Variants in TRABD2A observed in about 807,000 individuals in gnomAD.
TRABD2A encodes the protein TraB domain containing 2A, also known as metalloprotease TIKI1.
TRABD2A carries 43 observed loss-of-function variants against 45.6 expected under a neutral mutation model. The ratio of observed to expected loss-of-function variants is 0.94; its 90% CI spans 0.74 to 1.22. TRABD2A has a LOEUF of 1.22. TRABD2A is among the 50% of genes most tolerant of loss of function. The pLI, the probability that TRABD2A is intolerant of heterozygous loss-of-function variation, is 0.00. For synonymous variants in TRABD2A, 269 were observed against 265.0 expected (o/e 1.02, Z -0.15); for missense variants, 642 against 652.4 (o/e 0.98, Z 0.17).
chr2:84,878,886 G>T (rs963153031), intron 1 of TRABD2A, among the ~76,000 whole-genome samples: 20 of 152,230 alleles, frequency 1.3e-4, no homozygotes, highest in African/African-American at 4.6e-4. Context: ...CAATTCCGCA[G>T]GGGGTAAGAC....
rs1245439244 is a variant in TRABD2A, at chr2:84,830,964, G to C, written c.1082+1091C>G. ...TACAGCTGAGACCTCTGCCAGGAGA[G>C]GGGGCTGCTGACCACAGATCGGGAG... On this transcript the variant is annotated intron_variant, in intron 5 of 6. Coordinates refer to ENST00000409520, the MANE Select transcript of TRABD2A (RefSeq NM_001277053.2). This position sits in a 1 kb window ranked among gnomAD's most constrained non-coding sequence, Gnocchi z 4.9. 2.0e-5 allele frequency among the ~76,000 whole-genome samples: 3 copies of C among 152,184 alleles called. No homozygotes were observed. Among genetic ancestry groups the C allele is most frequent in the African/African-American group, 7.2e-5 (3 of 41,440 alleles).
rs150041805 is a variant in TRABD2A, at chr2:84,857,685, AATAT to A, written c.669+12536_669+12539del. Among the ~76,000 whole-genome samples, 725 of 152,278 alleles carry A rather than the reference AATAT, an allele frequency of 4.8e-3. 2 individuals are homozygous for A. The highest frequency in any genetic ancestry group is 0.017 in the African/African-American group (702 of 41,558). ...ACACATGAAGCAACTCAATAAGTCA[AATAT>A]CTCACTCCCCAGCTGTCTTAGTTCC... On this transcript the variant is annotated intron_variant, in intron 2 of 6. Coordinates refer to ENST00000409520, the MANE Select transcript of TRABD2A (RefSeq NM_001277053.2).
At chr2:84,832,217 C>G in intron 4 of TRABD2A, 72 bp from the exon 5 acceptor site, 3 of 1,511,070 alleles carry the variant, frequency 2.0e-6, no homozygotes, top group Non-Finnish European at 2.8e-6. Context: ...AACACACACC[C>G]TAGAACCAAG....
At chr2:84,851,684 A>G (rs1448620544) in intron 2 of TRABD2A, among the ~76,000 whole-genome samples, 3 of 152,260 alleles carry the variant, frequency 2.0e-5, no homozygotes, top group African/African-American at 7.2e-5. Flanking sequence ...GTAGCTGTCA[A>G]AATGGAAAAT....
chr2:84,853,753 G>GT (rs1471244700), intron 2 of TRABD2A, among the ~76,000 whole-genome samples: 2 of 152,230 alleles, frequency 1.3e-5, no homozygotes, highest in Non-Finnish European at 2.9e-5. Context: ...GCCTTGATGG[G>GT]TGCAGTGGCT....
At chr2:84,861,444 A>G (rs1452785121) in intron 2 of TRABD2A, among the ~76,000 whole-genome samples, 14 of 152,142 alleles carry the variant, frequency 9.2e-5, no homozygotes, top group Admixed American at 9.2e-4. Context: ...TCGCATGCAC[A>G]GTTCACAATA....
intron 1 of TRABD2A, among the ~76,000 whole-genome samples, chr2:84,879,994 A>AC (rs1683149448): frequency 1.5e-4 from 9 of 59,816 alleles, no homozygotes; most frequent in South Asian, 1.2e-3. Context: ...ACCCACCCCC[A>AC]ACCCCCCCCA....
At chr2:84,824,830 G>T (rs1573913849) in intron 5 of TRABD2A, among the ~76,000 whole-genome samples, 1 of 152,242 alleles carries the variant, frequency 6.6e-6, no homozygotes, top group Middle Eastern at 3.4e-3. Flanking sequence ...TTCAGGAAGA[G>T]GCTCTCAGGG....
At chr2:84,846,345 TCATGTGTG>T (rs1164829973) in intron 2 of TRABD2A, among the ~76,000 whole-genome samples, 1 of 152,216 alleles carries the variant, frequency 6.6e-6, no homozygotes, top group Non-Finnish European at 1.5e-5. Context: ...AGCATGGCTT[TCATGTGTG>T]CTTATTTATA....
Position 84,839,304 on chromosome 2 carries a change from G to C in TRABD2A, c.836C>G (p.Ala279Gly). 6.2e-7 allele frequency: 1 copy of C among 1,608,398 alleles called. No individual in the cohort carries two copies. The highest frequency in any genetic ancestry group is 8.5e-7 in the Non-Finnish European group (1 of 1,177,758). The change falls in exon 4 of 7, where the codon GCC becomes GGC. Residue 279 changes from alanine to glycine, a missense_variant. Transcript: ENST00000409520. Reference protein sequence around the residue: ...DSSQVPNFINATLPPQERITA... With the variant: ...DSSQVPNFINGTLPPQERITA... ...GATGCGCTCCTGAGGTGGTAGCGTG[G>C]CATTAATAAAATTGGGAACCTCCAC...
At chr2:84,848,288 CAT>C (rs989736760) in intron 2 of TRABD2A, among the ~76,000 whole-genome samples, 16 of 151,616 alleles carry the variant, frequency 1.1e-4, no homozygotes, top group African/African-American at 3.9e-4. Context: ...GCTGTCAACA[CAT>C]TGTATCTCTT....
At chr2:84,845,223 T>C (rs1573930870) in intron 2 of TRABD2A, among the ~76,000 whole-genome samples, 2 of 152,142 alleles carry the variant, frequency 1.3e-5, no homozygotes, top group African/African-American at 2.4e-5. Flanking sequence ...TGGTGGCAGG[T>C]GCCTGTAATC....
chr2:84,842,045 A>T, intron 2 of TRABD2A, 38 bp from the exon 3 acceptor site: 4 of 1,444,466 alleles, frequency 2.8e-6, no homozygotes, highest in Non-Finnish European at 3.6e-6. Flanking sequence ...CTAACAAGGC[A>T]ACTGTTTGCT....
intron 1 of TRABD2A, among the ~76,000 whole-genome samples, chr2:84,875,990 C>T (rs1318010890): frequency 4.1e-5 from 6 of 146,146 alleles, no homozygotes; most frequent in Admixed American, 1.4e-4. Context: ...GAGACCCTAT[C>T]TCAAAATTAA....
Position 84,821,990 on chromosome 2 carries a change from G to A in TRABD2A, c.1445C>T (p.Ala482Val), listed in dbSNP as rs374350995. ...CACAGGAGTCCAGAGAGACAGGCAGGCACTGCTGGCCACCATCTGGCTGTG... is the reference window on the plus strand; with the variant it reads ...CACAGGAGTCCAGAGAGACAGGCAGACACTGCTGGCCACCATCTGGCTGTG... ...SHHSQMVASS[A>V]CLSLWTPVFW... The change falls in exon 7 of 7, where the codon GCC becomes GTC. Residue 482 changes from alanine (A) to valine (V), a missense_variant. Transcript: ENST00000409520. The A allele has an allele frequency of 1.2e-6, 2 of 1,601,222 alleles. No homozygotes were observed. The highest frequency in any genetic ancestry group is 1.7e-6 in the Non-Finnish European group (2 of 1,174,110).
At chr2:84,833,936 C>G (rs1681420118) in intron 4 of TRABD2A, 1 of 152,506 alleles carries the variant, frequency 6.6e-6, no homozygotes, top group Admixed American at 6.5e-5. Flanking sequence ...TCAGACCAAG[C>G]TGTGCCCCAG....
At chr2:84,879,850 T>TA (rs1221793385) in intron 1 of TRABD2A, among the ~76,000 whole-genome samples, 1 of 152,210 alleles carries the variant, frequency 6.6e-6, no homozygotes, top group Admixed American at 6.5e-5. Flanking sequence ...GGATCGGCTC[T>TA]ATTTGGCCGT....
At chr2:84,837,974 T>C in intron 4 of TRABD2A, 3 of 413,798 alleles carry the variant, frequency 7.2e-6, no homozygotes, top group South Asian at 7.0e-5. Context: ...GCAACTATGA[T>C]GTTAAACAGC....
intron 2 of TRABD2A, among the ~76,000 whole-genome samples, chr2:84,847,817 T>G (rs761857763): frequency 6.6e-6 from 1 of 152,248 alleles, no homozygotes; most frequent in Non-Finnish European, 1.5e-5. Flanking sequence ...CTCACCATTC[T>G]GGATGCTAGA....
Sources: allele counts gnomAD v4.1 joint callset (sites outside exome capture counted in the v4.1 genomes callset), GRCh38; gene constraint gnomAD v4.1.1; non-coding constraint Gnocchi (gnomAD v3.1); transcripts MANE v1.5; gene names NCBI Gene and HGNC (gene_info 2026-07-23, HGNC 2026-07-21).